The following DYRK4 variants were observed in gnomAD, a reference collection of about 807,000 sequenced individuals.
The protein encoded by DYRK4 is dual specificity tyrosine phosphorylation regulated kinase 4.
A neutral mutation model predicts 68.3 loss-of-function variants in DYRK4; 64 were observed. The ratio of observed to expected loss-of-function variants is 0.94; its 90% CI spans 0.77 to 1.15. The LOEUF (loss-of-function observed/expected upper bound fraction) is 1.15. Among genes scored for constraint, DYRK4 ranks in the 50% most tolerant of loss-of-function variants. The pLI, the probability that DYRK4 is intolerant of heterozygous loss-of-function variation, is 0.00. For missense variants in DYRK4, 740 were observed against 764.7 expected (o/e 0.97, Z 0.38); for synonymous variants, 274 against 289.9 (o/e 0.95, Z 0.56).
At chr12:4,573,486 T>A in intron 2 of DYRK4, 1 of 955,350 alleles carries the variant, frequency 1.0e-6, no homozygotes, top group Non-Finnish European at 1.4e-6. Flanking sequence ...AATTGGCGGG[T>A]GGGGGCATGT....
chr12:4,592,495 A>G (rs1447101418), intron 5 of DYRK4: 1 of 152,464 alleles, frequency 6.6e-6, no homozygotes, highest in East Asian at 1.9e-4. Flanking sequence ...GTCCTAACTC[A>G]TAATCTCTTC....
At chr12:4,572,322 C>T (rs1040390768) in intron 2 of DYRK4, among the ~76,000 whole-genome samples, 2 of 152,128 alleles carry the variant, frequency 1.3e-5, no homozygotes, top group Admixed American at 6.5e-5. Flanking sequence ...GGCTCTGTCG[C>T]CCAGGCTGGA....
chr12:4,593,674 C>A (rs1332335622), intron 6 of DYRK4, among the ~76,000 whole-genome samples: 2 of 152,202 alleles, frequency 1.3e-5, no homozygotes, highest in African/African-American at 4.8e-5. Context: ...TCTTCCTCCC[C>A]CTCTTCTGAC....
Position 4,593,126 on chromosome 12 carries a change from C to T in DYRK4, c.588C>T (p.Ser196=), listed in dbSNP as rs1235114770. Residue 196 remains serine, a synonymous_variant, in exon 6 of 15, where the codon AGC becomes AGT. Transcript: ENST00000543431. The part of the protein sequence containing the change: ...KKLDTAPEKF[S]KTSFDDEHGF... ...TCGACACGGCTCCTGAGAAATTTAG[C>T]AAGACGAGTTTTGATGATGAGCATG... is the stretch of plus-strand genomic sequence containing the variant. The T allele has an allele frequency of 1.2e-6, 2 of 1,614,076 alleles. No individual in the cohort carries two copies. Among genetic ancestry groups the T allele is most frequent in the Admixed American group, 3.3e-5 (2 of 60,002 alleles).
In DYRK4 at chr12:4,596,627, A is replaced by C. The variant is rs1265866397; in HGVS notation, c.803A>C (p.Glu268Ala). 6.2e-7 allele frequency: 1 copy of C among 1,614,012 alleles called. No homozygotes were observed. Among genetic ancestry groups the C allele is most frequent in the African/African-American group, 1.3e-5 (1 of 74,924 alleles). ...GCCCTGATGGAGCTGAAGATCCTGG[A>C]AGCTCTCAGAAAGAAGGACAAAGAC... ...QQALMELKIL[E>A]ALRKKDKDNT... Residue 268 changes from glutamate (E) to alanine (A), a missense_variant, in exon 8 of 15, where the codon GAA (glutamate) becomes GCA (alanine). Transcript: ENST00000543431.
chr12:4,597,739 G>A (rs1448261846), intron 8 of DYRK4, among the ~76,000 whole-genome samples: 3 of 152,092 alleles, frequency 2.0e-5, no homozygotes, highest in Non-Finnish European at 4.4e-5. Flanking sequence ...CTCCATTGCA[G>A]CCCTCAAGAA....
At chr12:4,606,322 C>CTATG (rs1289870502) in intron 11 of DYRK4, among the ~76,000 whole-genome samples, 1 of 151,942 alleles carries the variant, frequency 6.6e-6, no homozygotes, top group African/African-American at 2.4e-5. Flanking sequence ...ATCTATCTAT[C>CTATG]TATGTATCTG....
chr12:4,574,062 A>G (rs1944759227), intron 2 of DYRK4, among the ~76,000 whole-genome samples: 1 of 151,958 alleles, frequency 6.6e-6, no homozygotes, highest in African/African-American at 2.4e-5. Context: ...CATCTCTACT[A>G]AAAATACAAA....
intron 2 of DYRK4, among the ~76,000 whole-genome samples, chr12:4,587,679 T>G (rs908436044): frequency 1.2e-4 from 19 of 152,214 alleles, no homozygotes; most frequent in Admixed American, 1.1e-3. Context: ...ATGCCCCATG[T>G]TCTATGCAAC....
intron 10 of DYRK4, chr12:4,602,394 G>C (rs1051788400): frequency 1.3e-4 from 124 of 920,764 alleles, no homozygotes; most frequent in Admixed American, 4.1e-4. Context: ...TTTCTGTCAA[G>C]GGGAAAGACA....
chr12:4,576,118 T>C (rs1944786536), intron 2 of DYRK4, among the ~76,000 whole-genome samples: 1 of 152,238 alleles, frequency 6.6e-6, no homozygotes, highest in Non-Finnish European at 1.5e-5. Flanking sequence ...TTGTCTACTA[T>C]TATAGGATGA....
intron 1 of DYRK4, 132 bp from the exon 2 acceptor site, chr12:4,567,823 C>T (rs2137318149): frequency 1.4e-6 from 1 of 719,966 alleles, no homozygotes; most frequent in South Asian, 1.9e-5. Flanking sequence ...GAAGCAGGGA[C>T]CCTGCTCCTG....
rs1182249469 is a variant in DYRK4 at position 4,613,825 on chromosome 12, A to G, written c.*72A>G. On this transcript the variant is annotated 3_prime_UTR_variant, in exon 15 of 15. Coordinates refer to ENST00000543431, the MANE Select transcript of DYRK4 (RefSeq NM_001394779.1). The surrounding 1 kb of genome is among the most constrained non-coding windows in gnomAD (Gnocchi z 4.0). ...TAAGACAGCACTTATATTGTACAAT[A>G]CTTCAGACTGTTTTTTTTAAATACA... The G allele has an allele frequency of 1.4e-6, 2 of 1,386,144 alleles. No individual in the cohort carries two copies. Among genetic ancestry groups the G allele is most frequent in the Non-Finnish European group, 1.9e-6 (2 of 1,060,352 alleles). 85.9% of individuals were successfully genotyped at this position (1,386,144 alleles called of 1,614,324 possible).
Position 4,584,848 on chromosome 12 carries a change from C to T in DYRK4, c.133-4089C>T, listed in dbSNP as rs997505101. On this transcript the variant is annotated intron_variant, in intron 2 of 14. Coordinates refer to ENST00000543431, the MANE Select transcript of DYRK4 (RefSeq NM_001394779.1). ...GGGATTACAGGCGTGAGCCACCGCG[C>T]CTGGCCTCTAATCAGCTTTTAAGCT... Among the ~76,000 whole-genome samples, 4 of 152,154 alleles carry T rather than the reference C, an allele frequency of 2.6e-5. No homozygotes were observed. The South Asian group carries it at 8.3e-4, about 32-fold the overall frequency.
intron 1 of DYRK4, among the ~76,000 whole-genome samples, chr12:4,566,578 C>T (rs1053467485): frequency 6.6e-6 from 1 of 152,192 alleles, no homozygotes; most frequent in African/African-American, 2.4e-5. Context: ...ATTAATACAT[C>T]GATCACATGC....
intron 2 of DYRK4, among the ~76,000 whole-genome samples, chr12:4,574,733 T>C (rs148314895): frequency 5.3e-5 from 8 of 152,372 alleles, no homozygotes; most frequent in African/African-American, 1.2e-4. Context: ...GAAAAGTTTT[T>C]TTTAGACACA....
At chr12:4,606,036 T>C (rs1945145999) in intron 11 of DYRK4, among the ~76,000 whole-genome samples, 1 of 152,228 alleles carries the variant, frequency 6.6e-6, no homozygotes, top group Admixed American at 6.5e-5. Flanking sequence ...AGTATGTGTA[T>C]TGTTCAGGCA....
chr12:4,579,038 A>C (rs1325512737), intron 2 of DYRK4, among the ~76,000 whole-genome samples: 1 of 152,108 alleles, frequency 6.6e-6, no homozygotes, highest in African/African-American at 2.4e-5. Context: ...GCACTTTGGG[A>C]GGCCGAGGTG....
intron 2 of DYRK4, among the ~76,000 whole-genome samples, chr12:4,585,541 C>T (rs1003652228): frequency 6.6e-6 from 1 of 152,106 alleles, no homozygotes; most frequent in Non-Finnish European, 1.5e-5. Context: ...AAAAACCAAA[C>T]ACCGCATGTT....
Sources: allele counts gnomAD v4.1 joint callset (sites outside exome capture counted in the v4.1 genomes callset), GRCh38; gene constraint gnomAD v4.1.1; non-coding constraint Gnocchi (gnomAD v3.1); transcripts MANE v1.5; gene names NCBI Gene and HGNC (gene_info 2026-07-23, HGNC 2026-07-21).